IAPP: variants seen among roughly 807,000 people sequenced by gnomAD.
IAPP encodes the protein Islet amyloid polypeptide (diabetes-associated peptide; amylin).
A neutral mutation model predicts 2.9 loss-of-function variants in IAPP; 4 were observed. The observed-to-expected ratio is 1.39, with a 90% CI of 0.69 to 3.19. The LOEUF (loss-of-function observed/expected upper bound fraction) is 3.19. IAPP is among the 30% of genes most tolerant of loss of function. The pLI is 0.01. For missense variants in IAPP, 114 were observed against 105.3 expected (o/e 1.08, Z -0.36); for synonymous variants, 40 against 42.1 (o/e 0.95, Z 0.19).
chr12:21,364,571 T>G (rs983645889), intron 1 of IAPP, among the ~76,000 whole-genome samples: 3 of 152,014 alleles, frequency 2.0e-5, no homozygotes, highest in Non-Finnish European at 2.9e-5. Flanking sequence ...GAGAAAGAAA[T>G]AAAGGGTATT....
chr12:21,364,925 T>A (rs1591885544), intron 1 of IAPP, among the ~76,000 whole-genome samples: 1 of 152,212 alleles, frequency 6.6e-6, no homozygotes, highest in South Asian at 2.1e-4. Context: ...GAACATTTCA[T>A]GCTCGTGGAT....
upstream of IAPP, among the ~76,000 whole-genome samples, chr12:21,371,154 T>A (rs1288524673): frequency 6.6e-6 from 1 of 152,172 alleles, no homozygotes; most frequent in Non-Finnish European, 1.5e-5. Context: ...TTTTGGGTCA[T>A]CTGGTCATTG....
chr12:21,370,020 G>C (rs1939664777), upstream of IAPP, among the ~76,000 whole-genome samples: 1 of 152,048 alleles, frequency 6.6e-6, no homozygotes, highest in South Asian at 2.1e-4. Flanking sequence ...AATCATTCAA[G>C]GTGTTGTAAC....
At chr12:21,365,092 G>C (rs1017489131) in intron 1 of IAPP, among the ~76,000 whole-genome samples, 1 of 151,912 alleles carries the variant, frequency 6.6e-6, no homozygotes, top group Non-Finnish European at 1.5e-5. Flanking sequence ...TTGCCAATAC[G>C]ATCCTAAGCC....
upstream of IAPP, among the ~76,000 whole-genome samples, chr12:21,370,115 T>A (rs561432725): frequency 5.9e-5 from 9 of 152,298 alleles, no homozygotes; most frequent in Middle Eastern, 3.4e-3. Flanking sequence ...ATATCCTGGA[T>A]CAGACAGATA....
At chr12:21,373,053 C>A in intron 1 of IAPP, 49 bp downstream of exon 1, 1 of 354,904 alleles carries the variant, frequency 2.8e-6, no homozygotes, top group South Asian at 3.8e-5. Context: ...TAGAGAAATG[C>A]ACACTTGGTG....
At chr12:21,370,426 C>G (rs1312558662), upstream of IAPP, among the ~76,000 whole-genome samples, 2 of 149,820 alleles carry the variant, frequency 1.3e-5, no homozygotes, top group Non-Finnish European at 3.0e-5. Flanking sequence ...TGTGCTGCAC[C>G]CATCAACTCG....
chr12:21,377,782 A>C (rs1940309966), intron 2 of IAPP, among the ~76,000 whole-genome samples: 1 of 152,238 alleles, frequency 6.6e-6, no homozygotes. Context: ...AATTATCTCA[A>C]GGAACTTAAA....
In IAPP at chr12:21,378,407, T is replaced by C; in HGVS notation, c.251T>C (p.Leu84Pro). The C allele has an allele frequency of 6.2e-7, 1 of 1,613,684 alleles. No individual in the cohort carries two copies. Among genetic ancestry groups the C allele is most frequent in the Non-Finnish European group, 8.5e-7 (1 of 1,179,518 alleles). The change falls in exon 3 of 3, where the codon CTG (leucine) becomes CCG (proline). Residue 84 changes from leucine (L) to proline (P), a missense_variant. Coordinates refer to ENST00000240652, the MANE Select transcript of IAPP (RefSeq NM_000415.3). ...NAVEVLKREP[L>P]NYLPL ...GTAGAGGTTTTAAAGAGAGAGCCAC[T>C]GAATTACTTGCCCCTTTAGAGGACA...
upstream of IAPP, among the ~76,000 whole-genome samples, chr12:21,368,770 C>T (rs543873877): frequency 6.6e-6 from 1 of 151,906 alleles, no homozygotes; most frequent in East Asian, 1.9e-4. Context: ...AAAAGAAACA[C>T]TTTAAAATGT....
chr12:21,373,737 G>A (rs1290615069), intron 2 of IAPP: 2 of 701,050 alleles, frequency 2.9e-6, no homozygotes, highest in South Asian at 1.5e-5. Flanking sequence ...TCAAAAGGTA[G>A]TAATTTCTTC....
At chr12:21,364,228 C>A (rs1212271043) in intron 1 of IAPP, among the ~76,000 whole-genome samples, 5 of 152,186 alleles carry the variant, frequency 3.3e-5, no homozygotes, top group African/African-American at 1.2e-4. Context: ...CCCTGGGATG[C>A]AAGGCTGGTT....
intron 1 of IAPP, among the ~76,000 whole-genome samples, chr12:21,358,694 A>G (rs2137037338): frequency 6.6e-6 from 1 of 152,148 alleles, no homozygotes; most frequent in South Asian, 2.1e-4. Context: ...GAAGTCTACA[A>G]ACAATAAATG....
intron 1 of IAPP, among the ~76,000 whole-genome samples, chr12:21,356,378 A>C (rs1938363498): frequency 6.6e-6 from 1 of 151,982 alleles, no homozygotes; most frequent in African/African-American, 2.4e-5. Flanking sequence ...TTTCAGATTA[A>C]CTCCCAAAAC....
At chr12:21,368,095 T>C (rs1247370919), upstream of IAPP, among the ~76,000 whole-genome samples, 1 of 152,146 alleles carries the variant, frequency 6.6e-6, no homozygotes, top group Non-Finnish European at 1.5e-5. Context: ...ATGAACAACT[T>C]GCCTGCTATC....
At chr12:21,373,531 A>T (rs571249008) in intron 2 of IAPP, 100 bp downstream of exon 2, 10 of 829,676 alleles carry the variant, frequency 1.2e-5, no homozygotes, top group African/African-American at 6.7e-5. Context: ...ATTTCTGACT[A>T]TATCATACTT....
chr12:21,361,319 G>C (rs1332210812), intron 1 of IAPP, among the ~76,000 whole-genome samples: 1 of 152,184 alleles, frequency 6.6e-6, no homozygotes, highest in African/African-American at 2.4e-5. Context: ...CTGCAGTTGA[G>C]GGTCCTGACT....
intron 1 of IAPP, among the ~76,000 whole-genome samples, chr12:21,363,135 A>C (rs1939067821): frequency 6.6e-6 from 1 of 152,214 alleles, no homozygotes; most frequent in African/African-American, 2.4e-5. Flanking sequence ...AATGGACCAC[A>C]TAGTTGGAAG....
At chr12:21,364,694 C>G (rs1394380374) in intron 1 of IAPP, among the ~76,000 whole-genome samples, 1 of 152,176 alleles carries the variant, frequency 6.6e-6, no homozygotes, top group South Asian at 2.1e-4. Flanking sequence ...GCAACTTCAG[C>G]AAAATCTCAG....
Sources: gnomAD v4.1 joint callset for allele counts (sites outside exome capture counted in the v4.1 genomes callset) on GRCh38, gnomAD v4.1.1 for gene constraint, MANE v1.5 for transcripts, NCBI Gene and HGNC (gene_info 2026-07-23, HGNC 2026-07-21) for gene names.